RASEF: variants seen among roughly 807,000 people sequenced by gnomAD.
The protein encoded by RASEF is ras and EF-hand domain-containing protein.
Under a neutral mutation model 90.1 loss-of-function variants are expected in RASEF, and 68 were observed. That is an observed-to-expected ratio of 0.75 (90% CI 0.62 to 0.92). The LOEUF (loss-of-function observed/expected upper bound fraction) is 0.92, where lower values mean the gene tolerates loss of function less well. Ranked by LOEUF, RASEF falls within the 40% of genes least tolerant of loss-of-function variation. The pLI, the probability that RASEF is intolerant of heterozygous loss-of-function variation, is 0.00. For missense variants in RASEF, 949 were observed against 937.2 expected (o/e 1.01, Z -0.16); for synonymous variants, 331 against 345.2 (o/e 0.96, Z 0.46).
chr9:83,042,766 AC>A (rs1478818394), intron 1 of RASEF, among the ~76,000 whole-genome samples: 1 of 152,164 alleles, frequency 6.6e-6, no homozygotes, highest in Non-Finnish European at 1.5e-5. Flanking sequence ...CCTCTGAGAC[AC>A]CCCTGCTTGG....
chr9:83,111,539 T>A, the RASEF span, among the ~76,000 whole-genome samples: 1 of 152,180 alleles, frequency 6.6e-6, no homozygotes, highest in African/African-American at 2.4e-5. Context: ...GCGATGAACA[T>A]GTTTATGAGC....
the RASEF span, among the ~76,000 whole-genome samples, chr9:83,093,444 G>C: frequency 6.6e-6 from 1 of 152,234 alleles, no homozygotes; most frequent in Non-Finnish European, 1.5e-5. Flanking sequence ...CCTGCCCCGC[G>C]GGAAGGCAGC....
intron 1 of RASEF, chr9:83,055,818 C>A (rs1389364765): frequency 3.3e-6 from 2 of 599,232 alleles, no homozygotes; most frequent in Admixed American, 5.5e-5. Flanking sequence ...TATGTAAGGA[C>A]CCCGAAGGGT....
chr9:83,049,505 T>C (rs1478458798), intron 1 of RASEF, among the ~76,000 whole-genome samples: 1 of 148,390 alleles, frequency 6.7e-6, no homozygotes, highest in Non-Finnish European at 1.5e-5. Context: ...CATGGCTCAA[T>C]GCACAGCCCA....
chr9:83,030,085 G>T (rs1032758634), intron 1 of RASEF, among the ~76,000 whole-genome samples: 2 of 152,192 alleles, frequency 1.3e-5, no homozygotes, highest in African/African-American at 2.4e-5. Flanking sequence ...GTCACCGAGT[G>T]GGGGGATGTG....
the RASEF span, among the ~76,000 whole-genome samples, chr9:83,128,872 T>C: frequency 2.0e-5 from 3 of 152,186 alleles, no homozygotes; most frequent in Non-Finnish European, 4.4e-5. Context: ...GGCAGAGACA[T>C]AGTCAGTGGA....
At chr9:83,166,026 C>T in the RASEF span, among the ~76,000 whole-genome samples, 1 of 152,116 alleles carries the variant, frequency 6.6e-6, no homozygotes. Context: ...TTATAATCTT[C>T]TGAAAGAGAA....
At chr9:83,166,562 C>T in the RASEF span, among the ~76,000 whole-genome samples, 1 of 152,106 alleles carries the variant, frequency 6.6e-6, no homozygotes, top group Non-Finnish European at 1.5e-5. Flanking sequence ...CCCAGACAGC[C>T]GGGGTGTAAA....
At chr9:83,037,118 C>T (rs1829755726) in intron 1 of RASEF, among the ~76,000 whole-genome samples, 1 of 152,096 alleles carries the variant, frequency 6.6e-6, no homozygotes, top group Non-Finnish European at 1.5e-5. Flanking sequence ...ACTTACATAC[C>T]ACCTGTGAAA....
rs766225247 is a variant in RASEF, at chr9:83,000,178, C to T, written c.1714G>A (p.Ala572Thr). The change falls in exon 12 of 17, where the codon GCC becomes ACC. Residue 572 changes from alanine to threonine, a missense_variant. Around this residue, in one of 3 missense-constraint regions of RASEF, gnomAD observed 288 missense variants for 328.4 expected, o/e 0.88. Coordinates refer to ENST00000376447, the MANE Select transcript of RASEF (RefSeq NM_152573.4). ...GAAATACGAGCCATACCCAGGGTGG[C>T]GCTTATATTTTCTCGAAATTCATTC... Reference protein sequence around the residue: ...CKNEFRENISATLGVDFQMKT... With the variant: ...CKNEFRENISTTLGVDFQMKT... The T allele has an allele frequency of 3.3e-5, 54 of 1,613,334 alleles. No individual in the cohort carries two copies. Among genetic ancestry groups the T allele is most frequent in the East Asian group, 2.0e-4 (9 of 44,884 alleles).
chr9:83,041,801 A>T (rs1188498691), intron 1 of RASEF, among the ~76,000 whole-genome samples: 1 of 152,208 alleles, frequency 6.6e-6, no homozygotes, highest in Non-Finnish European at 1.5e-5. Flanking sequence ...TCTCATTAAA[A>T]TCCGACTTTG....
chr9:83,063,800 T>G (rs970584599), upstream of RASEF, among the ~76,000 whole-genome samples: 9 of 152,198 alleles, frequency 5.9e-5, no homozygotes, highest in South Asian at 1.7e-3. Context: ...TACCCTTTGG[T>G]TTTAAACACT....
At chr9:83,210,832 G>A in the RASEF span, among the ~76,000 whole-genome samples, 2 of 152,156 alleles carry the variant, frequency 1.3e-5, no homozygotes, top group African/African-American at 4.8e-5. Context: ...CCGACACATG[G>A]CCATCAATGC....
the RASEF span, among the ~76,000 whole-genome samples, chr9:83,109,781 T>C: frequency 6.6e-6 from 1 of 152,192 alleles, no homozygotes; most frequent in African/African-American, 2.4e-5. Flanking sequence ...TAGCCCATTT[T>C]ATAAAAGCCA....
the RASEF span, among the ~76,000 whole-genome samples, chr9:83,174,802 A>G: frequency 1.3e-5 from 2 of 152,130 alleles, no homozygotes; most frequent in Admixed American, 1.3e-4. Flanking sequence ...TCTTTCAGCA[A>G]TGTTTTCTGG....
chr9:83,059,502 T>C (rs1830168621), intron 1 of RASEF, among the ~76,000 whole-genome samples: 1 of 152,164 alleles, frequency 6.6e-6, no homozygotes, highest in Non-Finnish European at 1.5e-5. Context: ...TTGGCAAACA[T>C]TTACTGAGTA....
chr9:83,201,242 A>G, the RASEF span: 1 of 152,278 alleles, frequency 6.6e-6, no homozygotes, highest in East Asian at 1.9e-4. Context: ...TCTGGAACAC[A>G]GTTCTCCTCC....
intron 16 of RASEF, among the ~76,000 whole-genome samples, chr9:82,983,151 A>AC (rs1554704251): frequency 7.1e-4 from 89 of 125,592 alleles, no homozygotes; most frequent in Middle Eastern, 4.5e-3. Context: ...ACACACACAC[A>AC]CACACCCTTC....
chr9:83,110,379 T>G, the RASEF span, among the ~76,000 whole-genome samples: 1 of 152,132 alleles, frequency 6.6e-6, no homozygotes, highest in Non-Finnish European at 1.5e-5. Flanking sequence ...TAATTTATTT[T>G]TTAAAAAACC....
Sources: gnomAD v4.1 joint callset for allele counts (sites outside exome capture counted in the v4.1 genomes callset) on GRCh38, gnomAD v4.1.1 for gene constraint, gnomAD v4.1.1 regional missense constraint, MANE v1.5 for transcripts, NCBI Gene and HGNC (gene_info 2026-07-23, HGNC 2026-07-21) for gene names.